The following PRIM2 variants were observed in gnomAD, a reference collection of about 807,000 sequenced individuals.
The protein encoded by PRIM2 is DNA primase subunit 2, also known as DNA primase large subunit.
PRIM2 carries 39 observed loss-of-function variants against 67.3 expected under a neutral mutation model. The ratio of observed to expected loss-of-function variants is 0.58; its 90% CI spans 0.45 to 0.76. The LOEUF (loss-of-function observed/expected upper bound fraction) is 0.76. Among genes scored for constraint, PRIM2 ranks in the 30% least tolerant of loss-of-function variants. The pLI is 0.00. For missense variants in PRIM2, 398 were observed against 598.7 expected (o/e 0.66, Z 3.50); for synonymous variants, 143 against 198.7 (o/e 0.72, Z 2.36).
At chr6:57,291,172 C>T in the PRIM2 span, among the ~76,000 whole-genome samples, 1 of 152,084 alleles carries the variant, frequency 6.6e-6, no homozygotes, top group Non-Finnish European at 1.5e-5. Flanking sequence ...GGGGTTATCA[C>T]CACCAATCCC....
At chr6:57,460,213 C>G (rs1429456259) in intron 7 of PRIM2, among the ~76,000 whole-genome samples, 9 of 150,858 alleles carry the variant, frequency 6.0e-5, no homozygotes, top group South Asian at 2.1e-4. Flanking sequence ...ATACTTAGAG[C>G]TAAAAGTGGC....
intron 8 of PRIM2, among the ~76,000 whole-genome samples, chr6:57,508,170 C>T (rs1774288095): frequency 1.3e-5 from 2 of 152,186 alleles, no homozygotes; most frequent in African/African-American, 4.8e-5. Flanking sequence ...CTCCTGACCT[C>T]AGGTGATCCA....
chr6:57,522,396 G>T (rs1391655964), intron 8 of PRIM2, among the ~76,000 whole-genome samples: 2 of 152,128 alleles, frequency 1.3e-5, no homozygotes, highest in Non-Finnish European at 2.9e-5. Context: ...ATGCTATCCA[G>T]TAGAATCATA....
At chr6:57,262,824 T>C in the PRIM2 span, among the ~76,000 whole-genome samples, 25,707 of 152,158 alleles carry the variant, frequency 0.17, 3,973 homozygotes, top group African/African-American at 0.41. Flanking sequence ...TCCACCGTCT[T>C]TCTAGAAGGA....
the PRIM2 span, among the ~76,000 whole-genome samples, chr6:57,290,025 A>G: frequency 1.6e-4 from 25 of 152,072 alleles, no homozygotes; most frequent in South Asian, 1.2e-3. Context: ...TAAATTGTCA[A>G]GACCCATCGG....
At chr6:57,472,844 C>G (rs1240875355) in intron 7 of PRIM2, among the ~76,000 whole-genome samples, 4 of 152,114 alleles carry the variant, frequency 2.6e-5, no homozygotes, top group Non-Finnish European at 5.9e-5. Flanking sequence ...CTTTGGAGAG[C>G]AGGAAGCAAT....
At chr6:57,245,231 A>ACTT in the PRIM2 span, among the ~76,000 whole-genome samples, 2 of 152,134 alleles carry the variant, frequency 1.3e-5, no homozygotes, top group Non-Finnish European at 2.9e-5. Flanking sequence ...TTGCTTGATG[A>ACTT]CTTCCATGCT....
At chr6:57,483,934 A>C (rs1212614047) in intron 7 of PRIM2, among the ~76,000 whole-genome samples, 2 of 152,246 alleles carry the variant, frequency 1.3e-5, no homozygotes, top group Non-Finnish European at 2.9e-5. Context: ...AGACAATTTA[A>C]TTGTGATGTA....
chr6:57,302,110 C>T, the PRIM2 span, among the ~76,000 whole-genome samples: 1 of 151,922 alleles, frequency 6.6e-6, no homozygotes. Context: ...AAATTTGAGC[C>T]CCCAAATATG....
the PRIM2 span, among the ~76,000 whole-genome samples, chr6:57,269,983 G>C: frequency 6.6e-6 from 1 of 152,052 alleles, no homozygotes. Context: ...CTGTTCCATT[G>C]GTCTATATAT....
In PRIM2 at chr6:57,550,590, G is replaced by A. The variant is rs1234882321; in HGVS notation, c.1020+12965G>A. On this transcript the variant is annotated intron_variant, in intron 10 of 13. Coordinates refer to ENST00000615550, the MANE Select transcript of PRIM2 (RefSeq NM_000947.5). ...TTTAATTCTTAAATTATGGAAATAA[G>A]ATAAAAAATAGAAGACTTCAACTCT... is the stretch of plus-strand genomic sequence containing the variant. Among the ~76,000 whole-genome samples, 94 of 152,104 alleles carry A rather than the reference G, an allele frequency of 6.2e-4. 3 individuals carry two copies. Among genetic ancestry groups the A allele is most frequent in the South Asian group, 4.4e-3 (21 of 4,812 alleles).
At chr6:57,567,122 G>A (rs1169108670) in intron 10 of PRIM2, among the ~76,000 whole-genome samples, 2 of 151,916 alleles carry the variant, frequency 1.3e-5, no homozygotes, top group East Asian at 1.9e-4. Flanking sequence ...TCATCCAAAC[G>A]AAACATTAGA....
the PRIM2 span, among the ~76,000 whole-genome samples, chr6:57,226,996 T>C: frequency 2.0e-5 from 3 of 152,220 alleles, no homozygotes; most frequent in Non-Finnish European, 4.4e-5. Flanking sequence ...TCTTGTATTA[T>C]GGTCTAGTGT....
the PRIM2 span, among the ~76,000 whole-genome samples, chr6:57,270,452 G>T: frequency 6.6e-6 from 1 of 152,158 alleles, no homozygotes; most frequent in African/African-American, 2.4e-5. Context: ...GTATAAGAAT[G>T]CTTGTGATTT....
At chr6:57,547,652 A>G (rs1775315811) in intron 10 of PRIM2, among the ~76,000 whole-genome samples, 1 of 152,188 alleles carries the variant, frequency 6.6e-6, no homozygotes, top group African/African-American at 2.4e-5. Context: ...GTTATTCTGA[A>G]TTGCTTTAAG....
At chr6:57,276,925 A>AT in the PRIM2 span, among the ~76,000 whole-genome samples, 196 of 149,582 alleles carry the variant, frequency 1.3e-3, 4 homozygotes, top group East Asian at 0.03. Context: ...GAAATGTAAG[A>AT]TTTTTTTTTT....
At chr6:57,381,552 C>G (rs1467573880) in intron 6 of PRIM2, among the ~76,000 whole-genome samples, 3 of 152,030 alleles carry the variant, frequency 2.0e-5, no homozygotes, top group Non-Finnish European at 2.9e-5. Flanking sequence ...CTGAGATTAG[C>G]TTTTTCAGTA....
chr6:57,338,006 T>C (rs1022036931), intron 5 of PRIM2, among the ~76,000 whole-genome samples: 2 of 151,762 alleles, frequency 1.3e-5, no homozygotes, highest in Middle Eastern at 3.4e-3. Context: ...ATAGACGCAA[T>C]AAAAAATGAT....
chr6:57,314,546 A>G (rs1767444493), upstream of PRIM2, among the ~76,000 whole-genome samples: 1 of 152,244 alleles, frequency 6.6e-6, no homozygotes, highest in African/African-American at 2.4e-5. Context: ...AGAAAAAACA[A>G]AAACAATTCA....
Sources: allele counts gnomAD v4.1 joint callset (sites outside exome capture counted in the v4.1 genomes callset), GRCh38; gene constraint gnomAD v4.1.1; transcripts MANE v1.5; gene names NCBI Gene and HGNC (gene_info 2026-07-23, HGNC 2026-07-21).